The following CCNY variants were observed in gnomAD, a reference collection of about 807,000 sequenced individuals.
CCNY encodes the protein cyclin Y, also known as cyclin-Y.
In CCNY, 19 loss-of-function variants were observed where a neutral mutation model predicts 42.8. The observed-to-expected ratio is 0.44, with a 90% CI of 0.31 to 0.65. The LOEUF (loss-of-function observed/expected upper bound fraction) is 0.65. Among genes scored for constraint, CCNY ranks in the 30% least tolerant of loss-of-function variants. The probability of loss-of-function intolerance (pLI) is 0.07; values close to 1 mark genes in which losing one functional copy is unlikely to be tolerated. For missense variants in CCNY, 370 were observed against 437.3 expected (o/e 0.85, Z 1.37); for synonymous variants, 165 against 162.7 (o/e 1.01, Z -0.11).
In CCNY at chr10:35,569,074, G is replaced by A. The variant is rs1841631923; in HGVS notation, c.930G>A (p.Glu310=). ...HKLEAISRLC[E]DKYKDLRRSA... is the part of the protein sequence containing the mutation. ...CTCAGGCCATCTCTCGCCTCTGCGAGGACAAGTACAAGGACCTAAGAAGAT... is the reference window on the plus strand; with the variant it reads ...CTCAGGCCATCTCTCGCCTCTGCGAAGACAAGTACAAGGACCTAAGAAGAT... Residue 310 remains glutamate, a synonymous_variant, in exon 10 of 10, where the codon GAG becomes GAA. Coordinates refer to ENST00000374704, the MANE Select transcript of CCNY (RefSeq NM_145012.6). 1 of 1,612,714 alleles carries A rather than the reference G, an allele frequency of 6.2e-7. No individual in the cohort carries two copies. The highest frequency in any genetic ancestry group is 1.3e-5 in the African/African-American group (1 of 74,934).
intron 3 of CCNY, among the ~76,000 whole-genome samples, chr10:35,301,944 TTTTTA>T (rs1376440238): frequency 1.5e-4 from 22 of 151,192 alleles, no homozygotes; most frequent in East Asian, 5.8e-4. Flanking sequence ...TCATTGTTAT[TTTTTA>T]TTTTATTTAT....
At chr10:35,336,459 G>A (rs1478611762), upstream of CCNY, 10 of 151,568 alleles carry the variant, frequency 6.6e-5, no homozygotes, top group African/African-American at 1.9e-4. Context: ...ACGGGGCGGG[G>A]CGGGGGCTGC....
intron 1 of CCNY, among the ~76,000 whole-genome samples, chr10:35,476,457 A>T (rs1166369591): frequency 2.6e-5 from 4 of 152,358 alleles, no homozygotes; most frequent in African/African-American, 9.6e-5. Flanking sequence ...AGTGCAATCA[A>T]ACTAGAACTC....
chr10:35,347,448 T>TA, intron 1 of CCNY: 1 of 983,596 alleles, frequency 1.0e-6, no homozygotes, highest in Non-Finnish European at 1.2e-6. Context: ...GACTAGGAAA[T>TA]ACTCTGCATG....
intron 2 of CCNY, among the ~76,000 whole-genome samples, chr10:35,500,594 C>T (rs1389314168): frequency 6.6e-6 from 1 of 152,158 alleles, no homozygotes; most frequent in Non-Finnish European, 1.5e-5. Flanking sequence ...ATGTTATCTC[C>T]TTGAATGAAA....
intron 1 of CCNY, among the ~76,000 whole-genome samples, chr10:35,432,605 TC>T (rs1838437546): frequency 6.6e-6 from 1 of 152,344 alleles, no homozygotes. Context: ...AGCATATATA[TC>T]TGTCCACCAG....
intron 1 of CCNY, among the ~76,000 whole-genome samples, chr10:35,437,723 G>A (rs1453320887): frequency 1.3e-5 from 2 of 151,984 alleles, no homozygotes; most frequent in African/African-American, 2.4e-5. Context: ...AATAGAGTGA[G>A]AAAAGGTTTT....
intron 3 of CCNY, among the ~76,000 whole-genome samples, chr10:35,281,531 T>C (rs1835299135): frequency 6.6e-6 from 1 of 152,136 alleles, no homozygotes; most frequent in Non-Finnish European, 1.5e-5. Flanking sequence ...CTTGAACTCC[T>C]GACCTCATGA....
intron 1 of CCNY, among the ~76,000 whole-genome samples, chr10:35,480,490 C>T (rs1176473800): frequency 6.6e-6 from 1 of 152,112 alleles, no homozygotes; most frequent in Non-Finnish European, 1.5e-5. Flanking sequence ...CCCTGAGCTT[C>T]TATGACAGTG....
rs960605005 is a variant in CCNY, at chr10:35,337,428, G to T, written c.154+221G>T. 2.6e-5 allele frequency among the ~76,000 whole-genome samples: 4 copies of T among 152,332 alleles called. No individual in the cohort carries two copies. The East Asian group carries it at 7.7e-4, about 29-fold the overall frequency. On this transcript the variant is annotated intron_variant, in intron 1 of 9. Coordinates refer to ENST00000374704, the MANE Select transcript of CCNY (RefSeq NM_145012.6). Reference sequence around the variant, plus strand: ...GCGGCCGCGGAAACTTTGCAGGCCCGCGGCATCGAGCACGGCGGGCCTAGG... The same window carrying T: ...GCGGCCGCGGAAACTTTGCAGGCCCTCGGCATCGAGCACGGCGGGCCTAGG...
chr10:35,363,614 T>C (rs972300800), intron 1 of CCNY, among the ~76,000 whole-genome samples: 5 of 152,200 alleles, frequency 3.3e-5, no homozygotes, highest in Admixed American at 2.0e-4. Context: ...CTGTTGGTTC[T>C]GTGTAGTGGG....
At chr10:35,516,661 CTTTT>C (rs35268084) in intron 4 of CCNY, 38 bp downstream of exon 4, 7,509 of 321,494 alleles carry the variant, frequency 0.023, 1 homozygote, top group East Asian at 0.039. Context: ...TCCTTCCTTC[CTTTT>C]TTTTTTTTTT....
At chr10:35,435,897 A>T (rs1838521525) in intron 1 of CCNY, among the ~76,000 whole-genome samples, 1 of 152,110 alleles carries the variant, frequency 6.6e-6, no homozygotes, top group Admixed American at 6.5e-5. Flanking sequence ...CCTAATTATG[A>T]TGGTAGTAGT....
intron 1 of CCNY, among the ~76,000 whole-genome samples, chr10:35,464,769 A>C (rs1160253914): frequency 6.6e-6 from 1 of 152,100 alleles, no homozygotes; most frequent in Admixed American, 6.5e-5. Flanking sequence ...TGTTTCTCTT[A>C]AGGAACACCT....
intron 1 of CCNY, among the ~76,000 whole-genome samples, chr10:35,461,937 C>T (rs567158845): frequency 4.0e-5 from 6 of 151,324 alleles, no homozygotes; most frequent in Non-Finnish European, 8.9e-5. Context: ...TTTTTTTTCT[C>T]CCGGCACATC....
intron 1 of CCNY, among the ~76,000 whole-genome samples, chr10:35,340,904 G>C (rs1345652326): frequency 6.6e-6 from 1 of 152,074 alleles, no homozygotes; most frequent in Non-Finnish European, 1.5e-5. Flanking sequence ...TCTGCCCTCA[G>C]AATATATCAG....
intron 3 of CCNY, among the ~76,000 whole-genome samples, chr10:35,284,828 A>G (rs147553094): frequency 6.6e-6 from 1 of 152,082 alleles, no homozygotes; most frequent in Non-Finnish European, 1.5e-5. Flanking sequence ...TTTTCACTCA[A>G]TTCAAAATAA....
intron 1 of CCNY, among the ~76,000 whole-genome samples, chr10:35,348,293 C>T (rs1341140311): frequency 6.6e-6 from 1 of 152,180 alleles, no homozygotes; most frequent in African/African-American, 2.4e-5. Flanking sequence ...TGTCATTTCT[C>T]CTATTTGGTG....
intron 1 of CCNY, among the ~76,000 whole-genome samples, chr10:35,362,710 A>C (rs2135158142): frequency 1.3e-5 from 2 of 152,382 alleles, no homozygotes; most frequent in South Asian, 4.1e-4. Context: ...GTTGCACAGC[A>C]GCCAGAGGCG....
Sources: gnomAD v4.1 joint callset for allele counts (sites outside exome capture counted in the v4.1 genomes callset) on GRCh38, gnomAD v4.1.1 for gene constraint, MANE v1.5 for transcripts, NCBI Gene and HGNC (gene_info 2026-07-23, HGNC 2026-07-21) for gene names.